CCDC9B: variants seen among roughly 807,000 people sequenced by gnomAD.
CCDC9B encodes the protein coiled-coil domain containing 9B.
In CCDC9B, 40 loss-of-function variants were observed where a neutral mutation model predicts 47.2. The ratio of observed to expected loss-of-function variants is 0.85; its 90% CI spans 0.66 to 1.10. CCDC9B has a LOEUF of 1.10. CCDC9B is among the 50% of genes least tolerant of loss of function. CCDC9B has a pLI of 0.00. For synonymous variants in CCDC9B, 238 were observed against 250.7 expected (o/e 0.95, Z 0.48); for missense variants, 662 against 651.0 (o/e 1.02, Z -0.18).
rs763142230 is a variant in CCDC9B at position 40,337,862 on chromosome 15, C to T, written c.545G>A (p.Gly182Glu). The T allele has an allele frequency of 1.6e-5, 25 of 1,605,310 alleles. No homozygotes were observed. The South Asian group carries it at 2.7e-4, about 17-fold the overall frequency. Residue 182 changes from glycine (G) to glutamate (E), a missense_variant, in exon 6 of 11, where the codon GGG becomes GAG. Coordinates refer to ENST00000397536, the MANE Select transcript of CCDC9B (RefSeq NM_207380.3). ...GTCCCAGCCCGCCTCCGGGGGCTCC[C>T]CCACCGGCCGGCTCCAGGGCTCCCA... Reference protein sequence around the residue: ...GSWEPWSRPVGEPPEAGWDYA... With the variant: ...GSWEPWSRPVEEPPEAGWDYA...
rs779436771 is a variant in CCDC9B, at chr15:40,335,456, C to G, written c.1175G>C (p.Gly392Ala). The G allele has an allele frequency of 2.5e-6, 4 of 1,605,216 alleles. No individual in the cohort carries two copies. Among genetic ancestry groups the G allele is most frequent in the Middle Eastern group, 3.3e-4 (2 of 5,992 alleles). The change falls in exon 11 of 11, where the codon GGG (glycine) becomes GCG (alanine). Residue 392 changes from glycine (G) to alanine (A), a missense_variant. Gly to Ala is a moderately conservative substitution (Grantham distance 60). Transcript: ENST00000397536. The part of the protein sequence containing the change: ...GAGIPGPRES[G>A]CVLGLRPGAQ... ...CCCAGGCCTCAGACCGAGCACACAC[C>G]CGCTCTCCCTGGGCCCAGGGATGCC...
chr15:40,338,280 CCCCAACT>C, intron 5 of CCDC9B: 1 of 633,486 alleles, frequency 1.6e-6, no homozygotes, highest in South Asian at 1.9e-5. Context: ...CCTGCCCCCT[CCCCAACT>C]CCCATGCCAC....
Position 40,337,380 on chromosome 15 carries a change from G to C in CCDC9B, c.742+8C>G. ...AGGAGGGGAGGGATGAGGTAGGTGT[G>C]GGCTCACCCCTTCTGCTGCCTGCCC... On this transcript the variant is annotated splice_region_variant and intron_variant, in intron 7 of 10. Transcript: ENST00000397536. The C allele has an allele frequency of 6.2e-7, 1 of 1,611,982 alleles. No individual in the cohort carries two copies. Among genetic ancestry groups the C allele is most frequent in the Non-Finnish European group, 8.5e-7 (1 of 1,178,410 alleles).
Position 40,337,842 on chromosome 15 carries a change from A to G in CCDC9B, c.565T>C (p.Trp189Arg). 6.2e-7 allele frequency: 1 copy of G among 1,609,206 alleles called. No homozygotes were observed. Among genetic ancestry groups the G allele is most frequent in the Non-Finnish European group, 8.5e-7 (1 of 1,178,902 alleles). Reference sequence around the variant, plus strand: ...TCCTGCTTCCACTGGGCATAGTCCCAGCCCGCCTCCGGGGGCTCCCCCACC... The same window carrying G: ...TCCTGCTTCCACTGGGCATAGTCCCGGCCCGCCTCCGGGGGCTCCCCCACC... ...RPVGEPPEAG[W>R]DYAQWKQERE... Residue 189 changes from tryptophan (W) to arginine (R), a missense_variant, in exon 6 of 11, where the codon TGG becomes CGG. Physicochemically the swap from Trp to Arg is moderately radical, Grantham distance 101. Coordinates refer to ENST00000397536, the MANE Select transcript of CCDC9B (RefSeq NM_207380.3).
At position 40,337,282 on chromosome 15, in the gene CCDC9B, T is replaced by C. The variant is rs186840097; in HGVS notation, c.742+106A>G. On this transcript the variant is annotated intron_variant, in intron 7 of 10. Transcript: ENST00000397536. ...AAGGAAGATGTTCTCCAACGCTTCCTTTCAGCTCTGAAAATAAGAGACTAA... is the reference window on the plus strand; with the variant it reads ...AAGGAAGATGTTCTCCAACGCTTCCCTTCAGCTCTGAAAATAAGAGACTAA... 4.4e-5 allele frequency: 49 copies of C among 1,113,120 alleles called. No individual in the cohort carries two copies. The East Asian group carries it at 9.4e-4, about 21-fold the overall frequency. The allele number at this position is 1,113,120 out of a possible 1,614,324, so 69.0% of individuals were successfully genotyped here.
rs983379932 is a variant in CCDC9B at position 40,335,097 on chromosome 15, C to T, written c.*61G>A. ...ACCACATGGCCATCACGCGGAGGGCCTTTAACAGAGTGATTCCCTTTTCCT... is the reference window on the plus strand; with the variant it reads ...ACCACATGGCCATCACGCGGAGGGCTTTTAACAGAGTGATTCCCTTTTCCT... On this transcript the variant is annotated 3_prime_UTR_variant, in exon 11 of 11. Transcript: ENST00000397536. 2.8e-6 allele frequency: 4 copies of T among 1,442,560 alleles called. No homozygotes were observed. In the Admixed American group the frequency reaches 7.0e-5, roughly 25 times the overall value. The allele number at this position is 1,442,560 out of a possible 1,614,324, so 89.4% of individuals were successfully genotyped here. A position where few individuals can be genotyped will look rare whatever the true frequency, so the allele number is the denominator to read the frequency against.
In CCDC9B at chr15:40,338,883, C is replaced by T. The variant is rs1216251447; in HGVS notation, c.252G>A (p.Arg84=). Residue 84 remains arginine, a synonymous_variant, in exon 4 of 11, where the codon AGG becomes AGA. Coordinates refer to ENST00000397536, the MANE Select transcript of CCDC9B (RefSeq NM_207380.3). ...GTCCACAGGTACCCCTTGCCCAGTT[C>T]CTGCTAACCACCCGCTTTTCCTGCA... ...QVPGEKRVVS[R]NWARGTCGPR... 2 of 1,614,182 alleles carry T rather than the reference C, an allele frequency of 1.2e-6. No individual in the cohort carries two copies. Among genetic ancestry groups the T allele is most frequent in the Non-Finnish European group, 1.7e-6 (2 of 1,180,026 alleles).
chr15:40,340,745 C>A, intron 1 of CCDC9B, 63 bp downstream of exon 1: 1 of 1,517,454 alleles, frequency 6.6e-7, no homozygotes, highest in Non-Finnish European at 8.9e-7. Context: ...AGGGTGGCTG[C>A]CTGGTATCCC....
chr15:40,339,664 GCA>G, intron 2 of CCDC9B, 45 bp from the exon 3 acceptor site: 2 of 1,608,188 alleles, frequency 1.2e-6, no homozygotes, highest in African/African-American at 2.7e-5. Flanking sequence ...CCCCCCAGGT[GCA>G]CAGAGACATA....
rs1031844627 is a variant in CCDC9B, at chr15:40,331,497, T to A, written c.*3661A>T. 2 of 149,336 alleles carry A rather than the reference T, an allele frequency of 1.3e-5. No individual in the cohort carries two copies. Among genetic ancestry groups the A allele is most frequent in the African/African-American group, 4.9e-5 (2 of 40,952 alleles). The allele number at this position is 149,336 out of a possible 1,614,324, so 9.3% of individuals were successfully genotyped here. On this transcript the variant is annotated 3_prime_UTR_variant, in exon 11 of 11. Coordinates refer to ENST00000397536, the MANE Select transcript of CCDC9B (RefSeq NM_207380.3). ...ATTTATTCAACAAGTATTTACTGAG[T>A]GCCTTCTGTGTGCCACGCTACTGTT...
Position 40,338,834 on chromosome 15 carries a change from C to T in CCDC9B, c.301G>A (p.Glu101Lys), listed in dbSNP as rs373885057. Residue 101 changes from glutamate to lysine, a missense_variant, in exon 4 of 11, where the codon GAG (glutamate) becomes AAG (lysine). By Grantham distance (56) the Glu-to-Lys change is moderately conservative (BLOSUM62 1). Transcript: ENST00000397536. ...CGPRVTNEML[E>K]DEDAEDHGGT... ...CCGTGGTCCTCAGCATCCTCATCCT[C>T]AAGCATCTCGTTGGTCACTCTGGGT... 8 of 1,614,200 alleles carry T rather than the reference C, an allele frequency of 5.0e-6. No homozygotes were observed. In the East Asian group the frequency reaches 6.7e-5, roughly 13 times the overall value.
At chr15:40,340,064 C>T in intron 1 of CCDC9B, 49 bp from the exon 2 acceptor site, 1 of 1,169,814 alleles carries the variant, frequency 8.5e-7, no homozygotes, top group Non-Finnish European at 1.3e-6. Context: ...CCCCCTCTCA[C>T]CAGTCCCCAG....
intron 2 of CCDC9B, 61 bp downstream of exon 2, chr15:40,339,844 G>A (rs1336282916): frequency 7.2e-5 from 104 of 1,449,902 alleles, no homozygotes; most frequent in Non-Finnish European, 9.5e-5. Context: ...AGACCACCAC[G>A]TGTGGGGCAC....
At position 40,333,413 on chromosome 15, in the gene CCDC9B, C is replaced by T. The variant is rs1888893457; in HGVS notation, c.*1745G>A. On this transcript the variant is annotated 3_prime_UTR_variant, in exon 11 of 11. Coordinates refer to ENST00000397536, the MANE Select transcript of CCDC9B (RefSeq NM_207380.3). ...TGAAACCCTGCCTCTACAAAAAATA[C>T]AAAAATTAGCCAGGTGTGGTGGCAC... 6.6e-6 allele frequency: 1 copy of T among 151,582 alleles called. No individual in the cohort carries two copies. The highest frequency in any genetic ancestry group is 6.6e-5 in the Admixed American group (1 of 15,208). The allele number at this position is 151,582 out of a possible 1,614,324, so 9.4% of individuals were successfully genotyped here.
rs1222934136 is a variant in CCDC9B at position 40,335,511 on chromosome 15, C to A, written c.1120G>T (p.Ala374Ser). 2 of 1,559,698 alleles carry A rather than the reference C, an allele frequency of 1.3e-6. No individual in the cohort carries two copies. Among genetic ancestry groups the A allele is most frequent in the Admixed American group, 3.8e-5 (2 of 52,872 alleles). Reference protein sequence around the residue: ...VPCSPQEPDLAPLDLSLGGAG... With the variant: ...VPCSPQEPDLSPLDLSLGGAG... The stretch of plus-strand genomic sequence containing the variant: ...CCTCCTAGGGAGAGGTCAAGAGGAG[C>A]CAAGTCAGGCTCCTGTGGAGAGCAG... Residue 374 changes from alanine (A) to serine (S), a missense_variant, in exon 11 of 11, where the codon GCT becomes TCT. Physicochemically the swap from Ala to Ser is moderately conservative, Grantham distance 99. Coordinates refer to ENST00000397536, the MANE Select transcript of CCDC9B (RefSeq NM_207380.3).
In CCDC9B at chr15:40,340,714, G is replaced by A. The variant is rs1027579069; in HGVS notation, c.12+94C>T. The A allele has an allele frequency of 3.3e-6, 4 of 1,217,184 alleles. No individual in the cohort carries two copies. In the African/African-American group the frequency reaches 6.2e-5, roughly 19 times the overall value. The allele number at this position is 1,217,184 out of a possible 1,614,324, so 75.4% of individuals were successfully genotyped here. ...CACAGCCTTCTTCCTCCCAGCCCCA[G>A]CTGTCCCCAGCTGCCCCCAGAGGGT... On this transcript the variant is annotated intron_variant, in intron 1 of 10. Coordinates refer to ENST00000397536, the MANE Select transcript of CCDC9B (RefSeq NM_207380.3).
intron 3 of CCDC9B, chr15:40,339,297 A>C: frequency 1.7e-6 from 1 of 589,638 alleles, no homozygotes; most frequent in Non-Finnish European, 3.0e-6. Context: ...GTGGACTGGA[A>C]AAGGGTATGA....
intron 8 of CCDC9B, 25 bp downstream of exon 8, chr15:40,336,735 T>C (rs1754592802): frequency 1.2e-6 from 2 of 1,600,148 alleles, no homozygotes; most frequent in African/African-American, 1.4e-5. Flanking sequence ...TGACGAGACC[T>C]GGCCCCTCCT....
Position 40,335,654 on chromosome 15 carries a change from T to C in CCDC9B, c.977A>G (p.Gln326Arg), listed in dbSNP as rs1165665391. Residue 326 changes from glutamine (Q) to arginine (R), a missense_variant, in exon 11 of 11, where the codon CAG becomes CGG. Physicochemically the swap from Gln to Arg is conservative, Grantham distance 43 (BLOSUM62 1). Coordinates refer to ENST00000397536, the MANE Select transcript of CCDC9B (RefSeq NM_207380.3). ...GCCCTGCTCCATCCCGCTCTGCTTCTGGGCTTGCTCCTCCTCACTGGGAGT... is the reference window on the plus strand; with the variant it reads ...GCCCTGCTCCATCCCGCTCTGCTTCCGGGCTTGCTCCTCCTCACTGGGAGT... ...RETPSEEEQAQKQSGMEQGRL... is the reference protein window; with the variant it reads ...RETPSEEEQARKQSGMEQGRL... The C allele has an allele frequency of 5.9e-6, 9 of 1,535,794 alleles. No homozygotes were observed. Among genetic ancestry groups the C allele is most frequent in the Non-Finnish European group, 7.9e-6 (9 of 1,137,790 alleles).
Sources: gnomAD v4.1 joint callset for allele counts on GRCh38, gnomAD v4.1.1 for gene constraint, MANE v1.5 for transcripts, NCBI Gene and HGNC (gene_info 2026-07-23, HGNC 2026-07-21) for gene names.